Variants in RRP1B observed in about 807,000 individuals in gnomAD.
RRP1B encodes ribosomal RNA processing protein 1 homolog B.
Under a neutral mutation model 80.2 loss-of-function variants are expected in RRP1B, and 56 were observed. The ratio of observed to expected loss-of-function variants is 0.70; its 90% confidence interval spans 0.56 to 0.87. RRP1B has a LOEUF of 0.87. Ranked by LOEUF, RRP1B falls within the 40% of genes least tolerant of loss-of-function variation. The pLI is 0.00. For missense variants in RRP1B, 807 were observed against 939.8 expected (o/e 0.86, Z 1.85); for synonymous variants, 351 against 357.6 (o/e 0.98, Z 0.21).
At position 43,687,849 on chromosome 21, in the gene RRP1B, T is replaced by A; in HGVS notation, c.1475T>A (p.Leu492Ter). ...AGGGAAATGTTGGAATCAGCAGTGTTGCCCCCAGAGGACATGTCTCAGAGT... is the reference window on the plus strand; with the variant it reads ...AGGGAAATGTTGGAATCAGCAGTGTAGCCCCCAGAGGACATGTCTCAGAGT... ...AHREMLESAVLPPEDMSQSGP... is the reference protein window; with the variant it reads ...AHREMLESAV Residue 492 changes from leucine (L) to a stop codon, truncating the protein, a stop_gained, in exon 13 of 16, where the codon TTG (leucine) becomes TAG (stop). Coordinates refer to ENST00000340648, the MANE Select transcript of RRP1B (RefSeq NM_015056.3). LOFTEE classifies it high-confidence loss of function. 1 of 1,613,298 alleles carries A rather than the reference T, an allele frequency of 6.2e-7. No homozygotes were observed. The highest frequency in any genetic ancestry group is 8.5e-7 in the Non-Finnish European group (1 of 1,180,040).
intron 1 of RRP1B, among the ~76,000 whole-genome samples, chr21:43,662,326 CA>C (rs2082960928): frequency 6.6e-6 from 1 of 152,228 alleles, no homozygotes; most frequent in Non-Finnish European, 1.5e-5. Flanking sequence ...TCTTGTTCAC[CA>C]CCACATTGCA....
Position 43,659,645 on chromosome 21 carries a change from G to A in RRP1B, c.-20G>A, listed in dbSNP as rs2082938707. 6.7e-7 allele frequency: 1 copy of A among 1,488,220 alleles called. No homozygotes were observed. The highest frequency in any genetic ancestry group is 2.2e-5 in the Admixed American group (1 of 44,772). The allele number at this position is 1,488,220 out of a possible 1,614,324, so 92.2% of individuals were successfully genotyped here. A position where few individuals can be genotyped will look rare whatever the true frequency, so the allele number is the denominator to read the frequency against. On this transcript the variant is annotated 5_prime_UTR_variant, in exon 1 of 16. Coordinates refer to ENST00000340648, the MANE Select transcript of RRP1B (RefSeq NM_015056.3). This position sits in a 1 kb window ranked among gnomAD's most constrained non-coding sequence, Gnocchi z 4.2. Reference sequence around the variant, plus strand: ...AGCGGCACCGCGGGTTGCGCGGCCGGGGATGCTCCAGCGGGCGCGATGGCC... The same window carrying A: ...AGCGGCACCGCGGGTTGCGCGGCCGAGGATGCTCCAGCGGGCGCGATGGCC...
rs2083064248 is a variant in RRP1B at position 43,686,659 on chromosome 21, T to C, written c.1010-145T>C. ...AGCTTTTTTAAGTCTGTAATTCCTG[T>C]GTCAGCAGCGCTCAGGTTTGGGTGG... On this transcript the variant is annotated intron_variant, in intron 11 of 15. Coordinates refer to ENST00000340648, the MANE Select transcript of RRP1B (RefSeq NM_015056.3). The C allele has an allele frequency of 4.5e-6, 4 of 880,334 alleles. No homozygotes were observed. The South Asian group carries it at 7.1e-5, about 16-fold the overall frequency. 54.5% of individuals were successfully genotyped at this position (880,334 alleles called of 1,614,324 possible). A position where few individuals can be genotyped will look rare whatever the true frequency, so the allele number is the denominator to read the frequency against.
chr21:43,684,905 C>G (rs1308936895), intron 10 of RRP1B, among the ~76,000 whole-genome samples: 3 of 152,132 alleles, frequency 2.0e-5, no homozygotes, highest in Non-Finnish European at 4.4e-5. Context: ...GAAGTCTATT[C>G]ATGTCTAAAA....
intron 8 of RRP1B, among the ~76,000 whole-genome samples, chr21:43,678,851 T>C (rs2083032291): frequency 6.6e-6 from 1 of 152,234 alleles, no homozygotes; most frequent in South Asian, 2.1e-4. Flanking sequence ...AGCCGACATC[T>C]GGAAGAGTTT....
intron 2 of RRP1B, among the ~76,000 whole-genome samples, chr21:43,671,938 C>T (rs748673952): frequency 6.6e-6 from 1 of 152,184 alleles, no homozygotes; most frequent in Non-Finnish European, 1.5e-5. Context: ...CCACCTGCCT[C>T]GGCCTCCCAA....
chr21:43,687,010 CT>C, intron 12 of RRP1B, 75 bp downstream of exon 12: 1 of 1,500,622 alleles, frequency 6.7e-7, no homozygotes, highest in South Asian at 1.2e-5. Context: ...GCCTCGGAGA[CT>C]TGAGCTCGTG....
At chr21:43,690,719 C>T (rs2083082922) in intron 14 of RRP1B, among the ~76,000 whole-genome samples, 2 of 152,182 alleles carry the variant, frequency 1.3e-5, no homozygotes, top group Non-Finnish European at 2.9e-5. Context: ...AGTTTTCTCT[C>T]GTGAAATGTC....
At chr21:43,683,660 G>C (rs2083051962) in intron 9 of RRP1B, among the ~76,000 whole-genome samples, 1 of 152,120 alleles carries the variant, frequency 6.6e-6, no homozygotes, top group South Asian at 2.1e-4. Context: ...ATAAAAAAAA[G>C]TTTGCCAAGT....
chr21:43,688,126 C>T lies in RRP1B; in HGVS notation c.1752C>T (p.Gly584=). 1 of 1,593,706 alleles carries T rather than the reference C, an allele frequency of 6.3e-7. No homozygotes were observed. The highest frequency in any genetic ancestry group is 8.5e-7 in the Non-Finnish European group (1 of 1,170,234). Residue 584 remains glycine, a synonymous_variant, in exon 13 of 16, where the codon GGC becomes GGT. Coordinates refer to ENST00000340648, the MANE Select transcript of RRP1B (RefSeq NM_015056.3). ...GGCCCGGCAGCCTGGAGCTCTGTGG[C>T]CTGCCCAGCCAGAAAACAGCAAGTT... is the stretch of plus-strand genomic sequence containing the variant. ...KAGPGSLELC[G]LPSQKTASLK...
intron 8 of RRP1B, among the ~76,000 whole-genome samples, chr21:43,681,359 T>C (rs1431544330): frequency 6.9e-6 from 1 of 144,390 alleles, no homozygotes; most frequent in Non-Finnish European, 1.5e-5. Context: ...GGGAAGTAAT[T>C]TTTTTTTTTT....
At position 43,676,325 on chromosome 21, in the gene RRP1B, G is replaced by A. The variant is rs2155722; in HGVS notation, c.603G>A (p.Ala201=). The A allele has an allele frequency of 0.61, 987,161 of 1,607,634 alleles. 307,663 individuals carry two copies. The highest frequency in any genetic ancestry group is 0.81 in the East Asian group (36,139 of 44,784). Residue 201 remains alanine (A), a synonymous_variant, in exon 7 of 16, where the codon GCG becomes GCA. Coordinates refer to ENST00000340648, the MANE Select transcript of RRP1B (RefSeq NM_015056.3). ...KFIDPFCKIA[A]KTKDHTLVQT... ...TCGATCCATTCTGCAAAATTGCTGC[G>A]AAGACGAAGGAGTAAGTGATTCCCC...
intron 8 of RRP1B, among the ~76,000 whole-genome samples, chr21:43,681,151 G>A (rs969456928): frequency 5.9e-5 from 9 of 151,982 alleles, no homozygotes; most frequent in Admixed American, 6.6e-5. Context: ...TGAGGTGGGA[G>A]AGAATCACTT....
chr21:43,664,812 G>A (rs1445709556), intron 1 of RRP1B, among the ~76,000 whole-genome samples: 1 of 152,208 alleles, frequency 6.6e-6, no homozygotes, highest in Non-Finnish European at 1.5e-5. Context: ...ATCCATGGCG[G>A]CAGGCAAGCG....
chr21:43,667,489 G>A (rs1456603742), intron 1 of RRP1B, among the ~76,000 whole-genome samples: 2 of 152,102 alleles, frequency 1.3e-5, no homozygotes, highest in African/African-American at 2.4e-5. Context: ...TGTAGAGATT[G>A]GGTTTTGCTG....
intron 8 of RRP1B, among the ~76,000 whole-genome samples, chr21:43,677,720 G>A (rs1258190789): frequency 6.6e-5 from 10 of 152,238 alleles, no homozygotes; most frequent in Admixed American, 1.3e-4. Context: ...GTTTTTAAAC[G>A]TTTATTTGTG....
intron 1 of RRP1B, among the ~76,000 whole-genome samples, chr21:43,663,782 G>A (rs1406721415): frequency 6.6e-6 from 1 of 152,020 alleles, no homozygotes; most frequent in Non-Finnish European, 1.5e-5. Flanking sequence ...GGCTGGTCTT[G>A]AACTCCTGAC....
At chr21:43,675,994 C>T (rs2083020509) in intron 6 of RRP1B, among the ~76,000 whole-genome samples, 1 of 152,000 alleles carries the variant, frequency 6.6e-6, no homozygotes. Flanking sequence ...AGATTGGACA[C>T]CCGTGTTGTA....
intron 13 of RRP1B, among the ~76,000 whole-genome samples, chr21:43,688,926 A>G (rs1469991801): frequency 6.6e-6 from 1 of 152,250 alleles, no homozygotes; most frequent in East Asian, 1.9e-4. Flanking sequence ...AGTAGCTGGA[A>G]TTACAGATAC....
Sources: allele counts gnomAD v4.1 joint callset (sites outside exome capture counted in the v4.1 genomes callset), GRCh38; gene constraint gnomAD v4.1.1; non-coding constraint Gnocchi (gnomAD v3.1); transcripts MANE v1.5; gene names NCBI Gene and HGNC (gene_info 2026-07-23, HGNC 2026-07-21).